SOX5: variants seen among roughly 807,000 people sequenced by gnomAD.
The protein encoded by SOX5 is transcription factor SOX-5.
In SOX5, 9 loss-of-function variants were observed where a neutral mutation model predicts 92.0. The observed-to-expected ratio is 0.10, with a 90% confidence interval of 0.06 to 0.17. SOX5 has a LOEUF of 0.17. Among genes scored for constraint, SOX5 ranks in the 10% least tolerant of loss-of-function variants. The pLI, the probability that SOX5 is intolerant of heterozygous loss-of-function variation, is 1.00. For missense variants in SOX5, 642 were observed against 944.5 expected (o/e 0.68, Z 4.20); for synonymous variants, 344 against 336.3 (o/e 1.02, Z -0.25).
intron 1 of SOX5, among the ~76,000 whole-genome samples, chr12:24,420,772 T>C (rs916689859): frequency 1.3e-5 from 2 of 152,150 alleles, no homozygotes; most frequent in African/African-American, 4.8e-5. Context: ...TAGTGAGTAT[T>C]GATAACTAAT....
intron 3 of SOX5, among the ~76,000 whole-genome samples, chr12:23,788,818 C>G (rs894999425): frequency 3.3e-5 from 5 of 151,704 alleles, no homozygotes; most frequent in Admixed American, 2.6e-4. Context: ...AAGCACATAC[C>G]ATGTGCCACA....
At chr12:23,732,574 A>G (rs1295643246) in intron 6 of SOX5, among the ~76,000 whole-genome samples, 3 of 152,166 alleles carry the variant, frequency 2.0e-5, no homozygotes, top group Admixed American at 6.6e-5. Flanking sequence ...CACTAACTCT[A>G]GAAAGAAGAC....
At chr12:23,606,675 T>C (rs531354838) in intron 8 of SOX5, among the ~76,000 whole-genome samples, 20 of 151,980 alleles carry the variant, frequency 1.3e-4, no homozygotes, top group Non-Finnish European at 2.4e-4. Flanking sequence ...TTATTAAAAA[T>C]ACAAGTATAA....
intron 1 of SOX5, among the ~76,000 whole-genome samples, chr12:24,555,025 A>G (rs902984143): frequency 6.6e-6 from 1 of 152,210 alleles, no homozygotes; most frequent in Non-Finnish European, 1.5e-5. Context: ...TTAGCTGACA[A>G]TCGAAGGACT....
At chr12:23,867,150 T>C (rs915256771) in intron 2 of SOX5, among the ~76,000 whole-genome samples, 5 of 152,112 alleles carry the variant, frequency 3.3e-5, no homozygotes, top group African/African-American at 1.2e-4. Flanking sequence ...AAATTTACAA[T>C]TTCAAATCTC....
intron 6 of SOX5, among the ~76,000 whole-genome samples, chr12:23,701,204 A>G (rs1317546215): frequency 6.6e-6 from 1 of 151,940 alleles, no homozygotes; most frequent in Non-Finnish European, 1.5e-5. Context: ...TAACTTTCCA[A>G]CCACTCTGAA....
At chr12:23,604,293 A>C (rs2074958441) in intron 9 of SOX5, 94 bp downstream of exon 9, 1 of 1,376,674 alleles carries the variant, frequency 7.3e-7, no homozygotes, top group African/African-American at 1.4e-5. Flanking sequence ...CCCAGAGTTT[A>C]AGCTAGCTGC....
At chr12:23,647,108 C>A (rs2080954796) in intron 7 of SOX5, among the ~76,000 whole-genome samples, 1 of 152,196 alleles carries the variant, frequency 6.6e-6, no homozygotes, top group Non-Finnish European at 1.5e-5. Flanking sequence ...GCTTGAAAGT[C>A]AAAATTACTC....
chr12:24,239,894 A>G (rs1965242383), intron 3 of SOX5, among the ~76,000 whole-genome samples: 1 of 152,172 alleles, frequency 6.6e-6, no homozygotes, highest in Non-Finnish European at 1.5e-5. Flanking sequence ...TGTCCCAAGT[A>G]TATATGTTTG....
chr12:24,471,914 AAAGCCT>A (rs1000380431), intron 1 of SOX5, among the ~76,000 whole-genome samples: 1 of 152,180 alleles, frequency 6.6e-6, no homozygotes, highest in Non-Finnish European at 1.5e-5. Flanking sequence ...CAGACAAAAC[AAAGCCT>A]CATAAATGTG....
rs116681588 is a variant in SOX5, at chr12:24,312,733, T to C, written c.-173-35421A>G. Among the ~76,000 whole-genome samples, 767 of 152,306 alleles carry C rather than the reference T, an allele frequency of 5.0e-3. 4 individuals are homozygous for C. The highest frequency in any genetic ancestry group is 0.018 in the African/African-American group (734 of 41,550). ...GAAGTAAATATTATTTTAATTATCATCAAATAAATTGCTTTTAAAACTATT... is the reference window on the plus strand; with the variant it reads ...GAAGTAAATATTATTTTAATTATCACCAAATAAATTGCTTTTAAAACTATT... On this transcript the variant is annotated intron_variant, in intron 2 of 4. Transcript: ENST00000446891.
intron 1 of SOX5, among the ~76,000 whole-genome samples, chr12:23,906,712 T>C (rs2138199156): frequency 6.6e-6 from 1 of 152,334 alleles, no homozygotes; most frequent in South Asian, 2.1e-4. Context: ...AAAAATCTTT[T>C]ATTAATAATA....
At chr12:24,518,924 A>ATAATTCTTT (rs1950029054) in intron 1 of SOX5, among the ~76,000 whole-genome samples, 1 of 152,318 alleles carries the variant, frequency 6.6e-6, no homozygotes, top group East Asian at 1.9e-4. Context: ...GAAATTTTCT[A>ATAATTCTTT]TAATTCTTTC....
intron 1 of SOX5, among the ~76,000 whole-genome samples, chr12:24,519,258 G>A (rs1286004163): frequency 6.6e-6 from 1 of 152,108 alleles, no homozygotes; most frequent in African/African-American, 2.4e-5. Context: ...GGACATATAG[G>A]AATGAACAGA....
intron 2 of SOX5, among the ~76,000 whole-genome samples, chr12:24,289,270 G>C (rs530655779): frequency 1.5e-5 from 2 of 133,636 alleles, no homozygotes; most frequent in South Asian, 5.3e-4. Context: ...GACACGGTGA[G>C]AACCTGTCTC....
At chr12:23,655,760 T>G (rs952652232) in intron 7 of SOX5, among the ~76,000 whole-genome samples, 13 of 152,058 alleles carry the variant, frequency 8.5e-5, no homozygotes, top group Non-Finnish European at 1.5e-4. Context: ...GGCCTAGAGA[T>G]TCCTACTAAA....
chr12:23,598,246 T>C (rs1952792185), intron 9 of SOX5, among the ~76,000 whole-genome samples: 1 of 152,156 alleles, frequency 6.6e-6, no homozygotes, highest in South Asian at 2.1e-4. Flanking sequence ...TCAGATGAAA[T>C]GTGAAAACTA....
intron 2 of SOX5, among the ~76,000 whole-genome samples, chr12:24,279,793 G>C (rs980449427): frequency 2.6e-5 from 4 of 152,112 alleles, no homozygotes; most frequent in Non-Finnish European, 5.9e-5. Context: ...TTAACCCCTA[G>C]TGATCCGTTC....
chr12:23,885,049 G>A (rs1222513084), intron 2 of SOX5, among the ~76,000 whole-genome samples: 1 of 152,122 alleles, frequency 6.6e-6, no homozygotes, highest in Non-Finnish European at 1.5e-5. Flanking sequence ...ACACAAGCAT[G>A]TTCTCCAGCT....
Sources: gnomAD v4.1 joint callset for allele counts (sites outside exome capture counted in the v4.1 genomes callset) on GRCh38, gnomAD v4.1.1 for gene constraint, MANE v1.5 for transcripts, NCBI Gene and HGNC (gene_info 2026-07-23, HGNC 2026-07-21) for gene names.